The following SP4 variants were observed in gnomAD, a reference collection of about 807,000 sequenced individuals.
The protein encoded by SP4 is transcription factor Sp4.
A neutral mutation model predicts 72.8 loss-of-function variants in SP4; 19 were observed. That is an observed-to-expected ratio of 0.26 (90% confidence interval 0.18 to 0.38). The LOEUF (loss-of-function observed/expected upper bound fraction) is 0.38, where lower values mean the gene tolerates loss of function less well. Among genes scored for constraint, SP4 ranks in the 10% least tolerant of loss-of-function variants. The pLI is 1.00. For synonymous variants in SP4, 395 were observed against 333.1 expected, an observed-to-expected ratio of 1.19 and a Z score of -2.02; for missense variants, 1,008 against 926.3, an observed-to-expected ratio of 1.09 and a Z score of -1.14.
chr7:21,446,906 C>T (rs1283399102), intron 3 of SP4, among the ~76,000 whole-genome samples: 28 of 151,166 alleles, frequency 1.9e-4, no homozygotes, highest in Admixed American at 1.4e-3. Flanking sequence ...TTGACTCTAA[C>T]GCTATTCTCC....
At chr7:21,495,605 G>C (rs993370208) in intron 5 of SP4, among the ~76,000 whole-genome samples, 1 of 152,156 alleles carries the variant, frequency 6.6e-6, no homozygotes, top group African/African-American at 2.4e-5. Context: ...GTAACTGCAA[G>C]TACTGGTGAG....
chr7:21,428,309 TCC>T, intron 1 of SP4, 51 bp downstream of exon 1: 1 of 987,474 alleles, frequency 1.0e-6, no homozygotes, highest in Non-Finnish European at 1.6e-6. Context: ...CCTCTCTCCC[TCC>T]CTCCCCAGAC....
intron 5 of SP4, among the ~76,000 whole-genome samples, chr7:21,486,004 G>A (rs1044489071): frequency 4.0e-5 from 6 of 151,762 alleles, no homozygotes; most frequent in Admixed American, 1.3e-4. Flanking sequence ...GCTTCCTAAC[G>A]AAAAGCTTGG....
At chr7:21,458,891 T>A (rs991859898) in intron 3 of SP4, among the ~76,000 whole-genome samples, 1 of 152,138 alleles carries the variant, frequency 6.6e-6, no homozygotes, top group African/African-American at 2.4e-5. Context: ...TGTTTAGAGA[T>A]GCAGCTTAAA....
intron 3 of SP4, among the ~76,000 whole-genome samples, chr7:21,474,201 A>G (rs118051123): frequency 0.019 from 2,832 of 152,266 alleles, 43 homozygotes; most frequent in Middle Eastern, 0.041. Context: ...CTTTGACTTG[A>G]AACTCATCTA....
intron 3 of SP4, among the ~76,000 whole-genome samples, chr7:21,464,159 C>T (rs6947378): frequency 0.025 from 2,856 of 113,802 alleles, 102 homozygotes; most frequent in African/African-American, 0.09. Flanking sequence ...GAGTCTAGTT[C>T]TGTCACCCAG....
chr7:21,482,793 A>C (rs1434821584), intron 5 of SP4: 1 of 973,074 alleles, frequency 1.0e-6, no homozygotes, highest in Non-Finnish European at 1.2e-6. Context: ...AGAATTATAA[A>C]TTTCACTTGT....
rs541069487 is a variant in SP4 at position 21,498,595 on chromosome 7, G to C, written c.2108-12427G>C. On this transcript the variant is annotated intron_variant, in intron 5 of 5. Coordinates refer to ENST00000222584, the MANE Select transcript of SP4 (RefSeq NM_003112.5). ...GTCCTTACATTCAAAAATGATTACA[G>C]TTAACCCTTGAACAACACAGAGGTG... Among the ~76,000 whole-genome samples the C allele has an allele frequency of 2.6e-5, 4 of 152,244 alleles. No individual in the cohort carries two copies. In the East Asian group the frequency reaches 7.7e-4, roughly 29 times the overall value.
chr7:21,428,732 A>T lies in SP4; in HGVS notation c.63A>T (p.Glu21Asp), dbSNP rs1562577557. Residue 21 changes from glutamate (E) to aspartate (D), a missense_variant, in exon 2 of 6, where the codon GAA becomes GAT. Glu to Asp is a conservative substitution (Grantham distance 45). Transcript: ENST00000222584. ...EAAAAAAMATEGGKTSEPENN... is the reference protein window; with the variant it reads ...EAAAAAAMATDGGKTSEPENN... ...CAGCGGCAGCGGCGATGGCTACAGA[A>T]GGAGGGAAAACCTCTGAGCCAGAGA... 6.4e-7 allele frequency: 1 copy of T among 1,554,250 alleles called. No homozygotes were observed. The highest frequency in any genetic ancestry group is 1.4e-5 in the African/African-American group (1 of 73,092).
chr7:21,496,236 G>T (rs950331817), intron 5 of SP4, among the ~76,000 whole-genome samples: 3 of 152,262 alleles, frequency 2.0e-5, no homozygotes, highest in Non-Finnish European at 2.9e-5. Flanking sequence ...CCAAAAAAAT[G>T]AATTTTACTG....
intron 5 of SP4, among the ~76,000 whole-genome samples, chr7:21,498,024 C>T (rs1781766841): frequency 1.3e-5 from 2 of 152,020 alleles, no homozygotes; most frequent in Admixed American, 6.6e-5. Context: ...TTGTCACTCC[C>T]CTTCAACCTC....
intron 3 of SP4, among the ~76,000 whole-genome samples, chr7:21,476,358 T>C (rs1719234308): frequency 6.6e-6 from 1 of 151,838 alleles, no homozygotes; most frequent in Non-Finnish European, 1.5e-5. Flanking sequence ...TGTTTTATTG[T>C]GCATTATTTA....
At chr7:21,509,103 G>A (rs1173642312) in intron 5 of SP4, among the ~76,000 whole-genome samples, 1 of 151,990 alleles carries the variant, frequency 6.6e-6, no homozygotes, top group East Asian at 1.9e-4. Context: ...GGCTTCGTCA[G>A]AATGTTTCAT....
chr7:21,442,783 T>C (rs750101342), intron 3 of SP4, among the ~76,000 whole-genome samples: 1 of 152,248 alleles, frequency 6.6e-6, no homozygotes, highest in Non-Finnish European at 1.5e-5. Context: ...TCGCCTAGGC[T>C]AGAGTGCAGT....
At chr7:21,443,508 A>T (rs1783324550) in intron 3 of SP4, among the ~76,000 whole-genome samples, 1 of 152,244 alleles carries the variant, frequency 6.6e-6, no homozygotes, top group African/African-American at 2.4e-5. Context: ...TATTATGTAG[A>T]TGCCTTTTAA....
chr7:21,434,817 ATT>A lies in SP4; in HGVS notation c.1678+3989_1678+3990del, dbSNP rs35111163. On this transcript the variant is annotated intron_variant, in intron 3 of 5. Transcript: ENST00000222584. Reference sequence around the variant, plus strand: ...TCCACCTGTATGTCCATGTGTAATCATTTTTTTTTTTTTTTTAGCTCCCACTT... The same window carrying A: ...TCCACCTGTATGTCCATGTGTAATCATTTTTTTTTTTTTTAGCTCCCACTT... Among the ~76,000 whole-genome samples the A allele has an allele frequency of 6.2e-3, 866 of 138,908 alleles. 7 individuals carry two copies. Among genetic ancestry groups the A allele is most frequent in the Non-Finnish European group, 8.5e-3 (537 of 63,028 alleles). The allele number at this position is 138,908 out of a possible 152,430, so 91.1% of individuals were successfully genotyped here.
intron 5 of SP4, among the ~76,000 whole-genome samples, chr7:21,488,240 A>G (rs151296904): frequency 9.1e-4 from 139 of 152,322 alleles, no homozygotes; most frequent in African/African-American, 2.9e-3. Flanking sequence ...CCAAAATACA[A>G]TAATATGCTG....
chr7:21,442,787 G>A (rs1783302640), intron 3 of SP4, among the ~76,000 whole-genome samples: 1 of 152,236 alleles, frequency 6.6e-6, no homozygotes, highest in South Asian at 2.1e-4. Context: ...CTAGGCTAGA[G>A]TGCAGTGGCA....
intron 5 of SP4, among the ~76,000 whole-genome samples, chr7:21,488,976 G>A (rs1287771392): frequency 6.6e-6 from 1 of 152,034 alleles, no homozygotes; most frequent in Non-Finnish European, 1.5e-5. Context: ...GGCAATCTAG[G>A]GATGATTTTT....
Sources: allele counts gnomAD v4.1 joint callset (sites outside exome capture counted in the v4.1 genomes callset), GRCh38; gene constraint gnomAD v4.1.1; transcripts MANE v1.5; gene names NCBI Gene and HGNC (gene_info 2026-07-23, HGNC 2026-07-21).